Variants in TBC1D9 observed in about 807,000 individuals in gnomAD.
The protein encoded by TBC1D9 is TBC1 domain family member 9A.
Under a neutral mutation model 132.0 loss-of-function variants are expected in TBC1D9, and 63 were observed. That is an observed-to-expected ratio of 0.48 (90% CI 0.39 to 0.59). The LOEUF (loss-of-function observed/expected upper bound fraction) is 0.59. TBC1D9 is among the 20% of genes least tolerant of loss of function. TBC1D9 has a pLI of 0.00. For missense variants in TBC1D9, 1,261 were observed against 1,592.7 expected, an observed-to-expected ratio of 0.79 and a Z score of 3.54; for synonymous variants, 610 against 609.9, an observed-to-expected ratio of 1.00 and a Z score of 0.00.
At chr4:140,636,777 T>C (rs1736888149) in intron 15 of TBC1D9, among the ~76,000 whole-genome samples, 1 of 152,124 alleles carries the variant, frequency 6.6e-6, no homozygotes, top group African/African-American at 2.4e-5. Context: ...AGAAGATGAA[T>C]GAGAGCCAAT....
chr4:140,679,020 T>A lies in TBC1D9; in HGVS notation c.773A>T (p.Asp258Val), dbSNP rs1165324918. 2 of 1,613,844 alleles carry A rather than the reference T, an allele frequency of 1.2e-6. No individual in the cohort carries two copies. Among genetic ancestry groups the A allele is most frequent in the Non-Finnish European group, 8.5e-7 (1 of 1,179,876 alleles). Residue 258 changes from aspartate to valine, a missense_variant, in exon 5 of 21, where the codon GAC becomes GTC. By Grantham distance (152) the Asp-to-Val change is radical (BLOSUM62 -3). Around this residue, in one of 3 missense-constraint regions of TBC1D9, gnomAD observed 550 missense variants for 699.0 expected, o/e 0.79. Coordinates refer to ENST00000442267, the MANE Select transcript of TBC1D9 (RefSeq NM_015130.3). ...TCGATCTTGTTCAAATCCCTCATTG[T>A]CTAAGAGTTGCCTCATGGCTATGTT... is the stretch of plus-strand genomic sequence containing the variant. Reference protein sequence around the residue: ...LANIAMRQLLDNEGFEQDRSL... With the variant: ...LANIAMRQLLVNEGFEQDRSL...
rs1157188834 is a variant in TBC1D9, at chr4:140,622,892, G to A, written c.3104C>T (p.Thr1035Ile). The A allele has an allele frequency of 3.2e-6, 5 of 1,558,498 alleles. No homozygotes were observed. Among genetic ancestry groups the A allele is most frequent in the Non-Finnish European group, 4.3e-6 (5 of 1,154,158 alleles). The change falls in exon 21 of 21, where the codon ACA becomes ATA. Residue 1035 changes from threonine to isoleucine, a missense_variant. Transcript: ENST00000442267. The stretch of plus-strand genomic sequence containing the variant: ...GTCTTCGCTGAACATGTTATACATT[G>A]TCTTACACAGTTCAATGAACTGCCC... ...NQGQFIELCK[T>I]MYNMFSEDPN... is the part of the protein sequence containing the mutation.
rs781685018 is a variant in TBC1D9, at chr4:140,624,325, T to A, written c.2963A>T (p.Lys988Met). ...ADDGFVTVSL[K>M]PDKGKRANSQ... ...GAGAATATCCTTACCTTTGTCTGGC[T>A]TTAGGCTCACCGTAACAAAGCCATC... Residue 988 changes from lysine (K) to methionine (M), a missense_variant, in exon 19 of 21, where the codon AAG (lysine) becomes ATG (methionine). Lys to Met is a moderately conservative substitution (Grantham distance 95). This residue lies in a region of TBC1D9 where 618 missense variants were observed against 724.4 expected (regional missense o/e 0.85). Coordinates refer to ENST00000442267, the MANE Select transcript of TBC1D9 (RefSeq NM_015130.3). The A allele has an allele frequency of 6.2e-7, 1 of 1,613,852 alleles. No homozygotes were observed. Among genetic ancestry groups the A allele is most frequent in the South Asian group, 1.1e-5 (1 of 91,024 alleles).
At chr4:140,722,382 C>T (rs551529912) in intron 1 of TBC1D9, among the ~76,000 whole-genome samples, 31 of 152,298 alleles carry the variant, frequency 2.0e-4, no homozygotes, top group African/African-American at 7.5e-4. Flanking sequence ...AGGCAGGTAA[C>T]TCAATGTCTT....
In TBC1D9 at chr4:140,628,337, C is replaced by T. The variant is rs375940053; in HGVS notation, c.2775G>A (p.Glu925=). The T allele has an allele frequency of 3.7e-6, 6 of 1,613,802 alleles. No individual in the cohort carries two copies. The highest frequency in any genetic ancestry group is 2.7e-5 in the African/African-American group (2 of 74,928). Residue 925 remains glutamate (E), a synonymous_variant, in exon 17 of 21, where the codon GAG becomes GAA. Transcript: ENST00000442267. ...GCATTTTGTACAGGAGTTTGAGCTT[C>T]TCTGTGAGGTCCCCATGGCATGCAG... ...LSAACHGDLT[E]KLKLLYKMHV... is the part of the protein sequence containing the mutation.
At chr4:140,669,548 A>T (rs1363802542) in intron 8 of TBC1D9, 86 bp downstream of exon 8, 4 of 1,349,248 alleles carry the variant, frequency 3.0e-6, no homozygotes, top group Non-Finnish European at 4.1e-6. Flanking sequence ...TTACATAGGC[A>T]TGTGTGAATT....
chr4:140,622,435 C>T lies in TBC1D9; in HGVS notation c.3561G>A (p.Thr1187=), dbSNP rs61730048. The part of the protein sequence containing the change: ...KLHCEDIGED[T]VLVRSGQGTA... ...TGCCCTGGCCGCTCCGCACCAGGAC[C>T]GTGTCCTCTCCGATGTCCTCGCAGT... Residue 1187 remains threonine (T), a synonymous_variant, in exon 21 of 21, where the codon ACG becomes ACA. Transcript: ENST00000442267. The T allele has an allele frequency of 2.7e-4, 433 of 1,613,906 alleles. 1 individual carries two copies. In the African/African-American group the frequency reaches 5.1e-3, roughly 19 times the overall value.
intron 9 of TBC1D9, among the ~76,000 whole-genome samples, chr4:140,666,139 G>T (rs28850387): frequency 2.6e-5 from 4 of 152,036 alleles, no homozygotes; most frequent in Non-Finnish European, 4.4e-5. Context: ...GGAATGAAAT[G>T]CTGATACATG....
Position 140,706,279 on chromosome 4 carries a change from C to T in TBC1D9, c.131-4665G>A, listed in dbSNP as rs1419827051. ...CTCCCCGACTCCATTAGTCCTGACGCTGGTCCAAAATGAAGCAGAGATCCA... is the reference window on the plus strand; with the variant it reads ...CTCCCCGACTCCATTAGTCCTGACGTTGGTCCAAAATGAAGCAGAGATCCA... On this transcript the variant is annotated intron_variant, in intron 1 of 20. Coordinates refer to ENST00000442267, the MANE Select transcript of TBC1D9 (RefSeq NM_015130.3). This position sits in a 1 kb window ranked among gnomAD's most constrained non-coding sequence, Gnocchi z 4.0. 1.3e-5 allele frequency among the ~76,000 whole-genome samples: 2 copies of T among 152,184 alleles called. No individual in the cohort carries two copies. Among genetic ancestry groups the T allele is most frequent in the Non-Finnish European group, 2.9e-5 (2 of 68,026 alleles).
chr4:140,662,092 T>C lies in TBC1D9; in HGVS notation c.1604A>G (p.Lys535Arg). ...WLLLSGAINE[K>R]ATHPGYYEDL... The stretch of plus-strand genomic sequence containing the variant: ...TTCATAGTACCCAGGATGTGTGGCC[T>C]TCTCATTGATGGCACCTGAGATATA... Residue 535 changes from lysine to arginine, a missense_variant, in exon 10 of 21, where the codon AAG becomes AGG. By Grantham distance (26) the Lys-to-Arg change is conservative (BLOSUM62 2). Transcript: ENST00000442267. The C allele has an allele frequency of 6.2e-7, 1 of 1,613,598 alleles. No individual in the cohort carries two copies. The highest frequency in any genetic ancestry group is 8.5e-7 in the Non-Finnish European group (1 of 1,179,548).
intron 2 of TBC1D9, among the ~76,000 whole-genome samples, chr4:140,699,060 C>T (rs1407048772): frequency 6.6e-6 from 1 of 152,016 alleles, no homozygotes; most frequent in Non-Finnish European, 1.5e-5. Flanking sequence ...CACTTCCTAC[C>T]AAGTAAAGAT....
At chr4:140,728,472 G>T (rs1738533761) in intron 1 of TBC1D9, among the ~76,000 whole-genome samples, 1 of 151,120 alleles carries the variant, frequency 6.6e-6, no homozygotes, top group Non-Finnish European at 1.5e-5. Context: ...TAGAAAAGTA[G>T]AAATCTACTT....
At chr4:140,683,389 C>A (rs763958579) in intron 3 of TBC1D9, among the ~76,000 whole-genome samples, 2 of 152,054 alleles carry the variant, frequency 1.3e-5, no homozygotes, top group Admixed American at 6.5e-5. Flanking sequence ...AATGTAGAAC[C>A]CTTTCTTAGT....
chr4:140,643,847 G>A (rs1404870184), intron 13 of TBC1D9: 10 of 717,608 alleles, frequency 1.4e-5, no homozygotes, highest in East Asian at 2.6e-5. Flanking sequence ...CTCTGCATCC[G>A]CCTGCAGGGC....
At chr4:140,648,147 G>T (rs1271009321) in intron 13 of TBC1D9, among the ~76,000 whole-genome samples, 1 of 152,062 alleles carries the variant, frequency 6.6e-6, no homozygotes, top group South Asian at 2.1e-4. Flanking sequence ...CCAGCAAACA[G>T]AATTTGTGCT....
intron 1 of TBC1D9, among the ~76,000 whole-genome samples, chr4:140,755,038 G>A (rs1738987594): frequency 6.6e-6 from 1 of 152,112 alleles, no homozygotes; most frequent in African/African-American, 2.4e-5. Flanking sequence ...CTTTTTTGCA[G>A]TCTCCTTTCT....
At position 140,740,533 on chromosome 4, in the gene TBC1D9, A is replaced by C. The variant is rs80135767; in HGVS notation, c.130+15383T>G. Among the ~76,000 whole-genome samples the C allele has an allele frequency of 2.1e-3, 321 of 152,322 alleles. 2 individuals are homozygous for C. Among genetic ancestry groups the C allele is most frequent in the African/African-American group, 7.0e-3 (291 of 41,566 alleles). ...CTCTTTCTCTTCAAACATTCACCTTATCTTATGTAAAATGCAGGTTCACTA... is the reference window on the plus strand; with the variant it reads ...CTCTTTCTCTTCAAACATTCACCTTCTCTTATGTAAAATGCAGGTTCACTA... On this transcript the variant is annotated intron_variant, in intron 1 of 20. Coordinates refer to ENST00000442267, the MANE Select transcript of TBC1D9 (RefSeq NM_015130.3).
chr4:140,627,194 A>G (rs1176248056), intron 18 of TBC1D9, among the ~76,000 whole-genome samples: 1 of 152,218 alleles, frequency 6.6e-6, no homozygotes, highest in African/African-American at 2.4e-5. Context: ...GCAGCAAAGT[A>G]TACAGCTCTA....
intron 13 of TBC1D9, chr4:140,645,122 G>T: frequency 1.8e-6 from 1 of 558,968 alleles, no homozygotes; most frequent in Non-Finnish European, 3.4e-6. Context: ...TAGGAGCACA[G>T]CTGGTAGGGT....
Sources: allele counts gnomAD v4.1 joint callset (sites outside exome capture counted in the v4.1 genomes callset), GRCh38; gene constraint gnomAD v4.1.1; regional missense constraint gnomAD v4.1.1; non-coding constraint Gnocchi (gnomAD v3.1); transcripts MANE v1.5; gene names NCBI Gene and HGNC (gene_info 2026-07-23, HGNC 2026-07-21).